The following SLC22A23 variants were observed in gnomAD, a reference collection of about 807,000 sequenced individuals.
SLC22A23 encodes ion transporter protein.
A neutral mutation model predicts 61.0 loss-of-function variants in SLC22A23; 26 were observed. That is an observed-to-expected ratio of 0.43 (90% confidence interval 0.31 to 0.59). The LOEUF is 0.59. Ranked by LOEUF, SLC22A23 falls within the 20% of genes least tolerant of loss-of-function variation. The pLI is 0.11. For missense variants in SLC22A23, 796 were observed against 934.7 expected, an observed-to-expected ratio of 0.85 and a Z score of 1.94; for synonymous variants, 430 against 413.9, an observed-to-expected ratio of 1.04 and a Z score of -0.47.
At chr6:3,358,789 C>T (rs1765266743) in intron 3 of SLC22A23, among the ~76,000 whole-genome samples, 1 of 152,154 alleles carries the variant, frequency 6.6e-6, no homozygotes, top group African/African-American at 2.4e-5. Context: ...GTTTCTGTTT[C>T]ATCAACCCAA....
chr6:3,285,269 G>A (rs1278966918), intron 7 of SLC22A23, among the ~76,000 whole-genome samples, 158 bp from the exon 8 acceptor site: 2 of 152,250 alleles, frequency 1.3e-5, no homozygotes, highest in Non-Finnish European at 2.9e-5. Context: ...GGCCGCCGGG[G>A]CAGTGGAATT....
In SLC22A23 at chr6:3,273,261, G is replaced by A. The variant is rs1427046547; in HGVS notation, c.1855C>T (p.Pro619Ser). ...GGCAGGTTCTGGTCCCTGCTCTCGG[G>A]CAGCAGGAGGATGCAGATGATGCAG... ...LICIICILLL[P>S]ESRDQNLPEN... Residue 619 changes from proline to serine, a missense_variant, in exon 10 of 10, where the codon CCC becomes TCC. By Grantham distance (74) the Pro-to-Ser change is moderately conservative (BLOSUM62 -1). Transcript: ENST00000406686. 6.2e-7 allele frequency: 1 copy of A among 1,613,254 alleles called. No homozygotes were observed. Among genetic ancestry groups the A allele is most frequent in the Admixed American group, 1.7e-5 (1 of 60,006 alleles).
chr6:3,340,003 C>A (rs1021308811), intron 3 of SLC22A23, among the ~76,000 whole-genome samples: 5 of 152,114 alleles, frequency 3.3e-5, no homozygotes, highest in African/African-American at 1.2e-4. Flanking sequence ...AACATCTGAG[C>A]CTCCTTATGT....
At chr6:3,307,084 CT>C (rs1762030084) in intron 4 of SLC22A23, among the ~76,000 whole-genome samples, 1 of 152,208 alleles carries the variant, frequency 6.6e-6, no homozygotes, top group Admixed American at 6.5e-5. Context: ...CAGATGTTTG[CT>C]GATGGGCCAT....
chr6:3,343,162 C>T (rs900744293), intron 3 of SLC22A23, among the ~76,000 whole-genome samples: 1 of 152,188 alleles, frequency 6.6e-6, no homozygotes, highest in African/African-American at 2.4e-5. Flanking sequence ...AAAGCTGCGT[C>T]CTGCATCTGC....
At chr6:3,416,893 G>A (rs1769750978) in intron 1 of SLC22A23, among the ~76,000 whole-genome samples, 1 of 152,228 alleles carries the variant, frequency 6.6e-6, no homozygotes, top group African/African-American at 2.4e-5. Context: ...TGGGAGCAGA[G>A]GCAGGATTGG....
intron 3 of SLC22A23, among the ~76,000 whole-genome samples, chr6:3,408,616 C>G (rs1768986920): frequency 6.6e-6 from 1 of 152,214 alleles, no homozygotes; most frequent in African/African-American, 2.4e-5. Context: ...TCTCCCCATT[C>G]TCTGGCAGCT....
At position 3,317,472 on chromosome 6, in the gene SLC22A23, G is replaced by A. The variant is rs911135056; in HGVS notation, c.1082+6362C>T. 2.0e-5 allele frequency among the ~76,000 whole-genome samples: 3 copies of A among 152,092 alleles called. No individual in the cohort carries two copies. Among genetic ancestry groups the A allele is most frequent in the Non-Finnish European group, 2.9e-5 (2 of 68,018 alleles). On this transcript the variant is annotated intron_variant, in intron 4 of 9. Transcript: ENST00000406686. The surrounding 1 kb of genome is among the most constrained non-coding windows in gnomAD (Gnocchi z 4.4). ...GCAGAATTCCTCCTAGATGCTCCTA[G>A]ATACTCCCTTCTTCTTGTGGTTTGG...
rs1761195278 is a variant in SLC22A23 at position 3,297,308 on chromosome 6, A to T, written c.1210+783T>A. On this transcript the variant is annotated intron_variant, in intron 5 of 9. Coordinates refer to ENST00000406686, the MANE Select transcript of SLC22A23 (RefSeq NM_015482.2). The surrounding 1 kb of genome is among the most constrained non-coding windows in gnomAD (Gnocchi z 4.3). ...TGGCCTGGAGGTTATTTTCCCAGGGAATTTTATAGCAACAATTTATCCCAG... is the reference window on the plus strand; with the variant it reads ...TGGCCTGGAGGTTATTTTCCCAGGGTATTTTATAGCAACAATTTATCCCAG... Among the ~76,000 whole-genome samples, 1 of 152,162 alleles carries T rather than the reference A, an allele frequency of 6.6e-6. No individual in the cohort carries two copies. The highest frequency in any genetic ancestry group is 2.4e-5 in the African/African-American group (1 of 41,430).
chr6:3,272,461 G>T lies in SLC22A23; in HGVS notation c.*594C>A, dbSNP rs963203302. The T allele has an allele frequency of 6.5e-6, 1 of 152,718 alleles. No homozygotes were observed. Among genetic ancestry groups the T allele is most frequent in the Non-Finnish European group, 1.5e-5 (1 of 68,042 alleles). 9.5% of individuals were successfully genotyped at this position (152,718 alleles called of 1,614,324 possible). The stretch of plus-strand genomic sequence containing the variant: ...CTGGTTTTAACGGCGTCTGTGAGCT[G>T]CTTTCCCTGCACACGAACAGAAGCT... On this transcript the variant is annotated 3_prime_UTR_variant, in exon 10 of 10. Coordinates refer to ENST00000406686, the MANE Select transcript of SLC22A23 (RefSeq NM_015482.2).
intron 6 of SLC22A23, 138 bp from the exon 7 acceptor site, chr6:3,287,229 G>C (rs979584169): frequency 2.7e-6 from 2 of 735,914 alleles, no homozygotes; most frequent in Admixed American, 5.0e-5. Flanking sequence ...CATCATGACC[G>C]AACCACGAGC....
chr6:3,334,239 G>A (rs1228029819), intron 3 of SLC22A23, among the ~76,000 whole-genome samples: 4 of 152,180 alleles, frequency 2.6e-5, no homozygotes, highest in African/African-American at 4.8e-5. Context: ...TTGGCTCATT[G>A]CAACCTCCAC....
intron 3 of SLC22A23, among the ~76,000 whole-genome samples, chr6:3,394,961 T>C (rs893306747): frequency 2.6e-5 from 4 of 152,030 alleles, no homozygotes; most frequent in Non-Finnish European, 5.9e-5. Context: ...AACCACACCA[T>C]CAACCCAGTG....
chr6:3,431,614 G>C (rs1244612977), intron 1 of SLC22A23, among the ~76,000 whole-genome samples: 1 of 152,200 alleles, frequency 6.6e-6, no homozygotes, highest in Non-Finnish European at 1.5e-5. Context: ...TAGCTGCCCA[G>C]ATATTTTGGT....
At chr6:3,280,381 C>T (rs1257567155) in intron 9 of SLC22A23, among the ~76,000 whole-genome samples, 1 of 152,224 alleles carries the variant, frequency 6.6e-6, no homozygotes, top group African/African-American at 2.4e-5. Context: ...CTCATCCTGC[C>T]CCGCTGCTCA....
intron 3 of SLC22A23, among the ~76,000 whole-genome samples, chr6:3,382,452 AG>A (rs1313954216): frequency 1.3e-5 from 2 of 152,202 alleles, no homozygotes; most frequent in Non-Finnish European, 2.9e-5. Context: ...AGGCCTTATG[AG>A]GTATCACAAG....
intron 3 of SLC22A23, among the ~76,000 whole-genome samples, chr6:3,362,434 AAT>A (rs1424390230): frequency 0.057 from 7,128 of 124,848 alleles, 1,735 homozygotes; most frequent in African/African-American, 0.096. Flanking sequence ...AAAAATAAAA[AAT>A]AAAAATTAGC....
chr6:3,293,141 TTTG>T (rs1760761948), intron 5 of SLC22A23, among the ~76,000 whole-genome samples: 1 of 152,076 alleles, frequency 6.6e-6, no homozygotes, highest in African/African-American at 2.4e-5. Flanking sequence ...ATAAACCGGC[TTTG>T]TTGTCATCCT....
chr6:3,415,814 A>G lies in SLC22A23; in HGVS notation c.696T>C (p.Ala232=), dbSNP rs1393685633. The G allele has an allele frequency of 6.4e-7, 1 of 1,552,238 alleles. No homozygotes were observed. The highest frequency in any genetic ancestry group is 8.7e-7 in the Non-Finnish European group (1 of 1,147,074). Residue 232 remains alanine, a synonymous_variant, in exon 2 of 10, where the codon GCT becomes GCC. Coordinates refer to ENST00000406686, the MANE Select transcript of SLC22A23 (RefSeq NM_015482.2). The part of the protein sequence containing the change: ...VCDNAWKVHI[A]KFSLLVGLIF... ...TTAATCCAACCAGTAAGGAGAACTT[A>G]GCGATATGGACCTTCCAGGCATTAT...
Sources: allele counts gnomAD v4.1 joint callset (sites outside exome capture counted in the v4.1 genomes callset), GRCh38; gene constraint gnomAD v4.1.1; non-coding constraint Gnocchi (gnomAD v3.1); transcripts MANE v1.5; gene names NCBI Gene and HGNC (gene_info 2026-07-23, HGNC 2026-07-21).